HPSE2: variants seen among roughly 807,000 people sequenced by gnomAD.
HPSE2 encodes inactive heparanase-2.
A neutral mutation model predicts 60.5 loss-of-function variants in HPSE2; 38 were observed. The observed-to-expected ratio is 0.63, with a 90% CI of 0.48 to 0.82. The LOEUF is 0.82. Ranked by LOEUF, HPSE2 falls within the 40% of genes least tolerant of loss-of-function variation. The pLI is 0.00. For synonymous variants in HPSE2, 295 were observed against 293.2 expected, an observed-to-expected ratio of 1.01 and a Z score of -0.06; for missense variants, 713 against 740.4, an observed-to-expected ratio of 0.96 and a Z score of 0.43.
chr10:99,300,357 G>A, the HPSE2 span, among the ~76,000 whole-genome samples: 1 of 152,088 alleles, frequency 6.6e-6, no homozygotes, highest in Non-Finnish European at 1.5e-5. Flanking sequence ...AAGAACCTCG[G>A]GTAACTCCTG....
chr10:99,206,145 A>C (rs1308384024), intron 2 of HPSE2, among the ~76,000 whole-genome samples: 1 of 152,254 alleles, frequency 6.6e-6, no homozygotes. Flanking sequence ...CATAAAGATC[A>C]TTATGAAAAC....
chr10:98,688,983 T>C (rs1377367403), intron 6 of HPSE2, among the ~76,000 whole-genome samples: 2 of 152,116 alleles, frequency 1.3e-5, no homozygotes, highest in Middle Eastern at 3.2e-3. Flanking sequence ...TTTCCCTATA[T>C]ATGAAGTGTT....
intron 9 of HPSE2, among the ~76,000 whole-genome samples, chr10:98,512,085 G>A (rs1047340883): frequency 6.6e-6 from 1 of 152,212 alleles, no homozygotes; most frequent in African/African-American, 2.4e-5. Context: ...CACCAGATGT[G>A]GCAGGATGCC....
At chr10:98,836,911 T>C (rs1951802799) in intron 3 of HPSE2, among the ~76,000 whole-genome samples, 1 of 152,106 alleles carries the variant, frequency 6.6e-6, no homozygotes, top group Admixed American at 6.6e-5. Context: ...TGGTGGCGTA[T>C]GCCTGTAATC....
chr10:98,544,885 A>G (rs1477934756), intron 9 of HPSE2, among the ~76,000 whole-genome samples: 3 of 152,182 alleles, frequency 2.0e-5, no homozygotes, highest in Non-Finnish European at 4.4e-5. Context: ...TGAAAAGATC[A>G]ACGAAATTGA....
intron 6 of HPSE2, among the ~76,000 whole-genome samples, chr10:98,666,981 G>C (rs759135244): frequency 6.6e-5 from 10 of 151,550 alleles, no homozygotes; most frequent in Admixed American, 2.0e-4. Flanking sequence ...ATAAAACCAA[G>C]AGTTGGTTCT....
the HPSE2 span, among the ~76,000 whole-genome samples, chr10:99,254,945 A>T: frequency 6.6e-6 from 1 of 152,198 alleles, no homozygotes; most frequent in African/African-American, 2.4e-5. Flanking sequence ...TAACAGGTAA[A>T]GAGTTTCTTC....
At chr10:98,850,598 G>A (rs574796189) in intron 3 of HPSE2, among the ~76,000 whole-genome samples, 30 of 152,084 alleles carry the variant, frequency 2.0e-4, no homozygotes, top group African/African-American at 6.3e-4. Context: ...TTAGCCAGGC[G>A]TGGTGGCAGG....
chr10:98,851,450 A>G (rs1389055090), intron 3 of HPSE2, among the ~76,000 whole-genome samples: 2 of 152,168 alleles, frequency 1.3e-5, no homozygotes, highest in African/African-American at 2.4e-5. Flanking sequence ...CCTCAAGAAA[A>G]TATGTTCCAT....
At chr10:98,585,604 A>C (rs1196041951) in intron 9 of HPSE2, among the ~76,000 whole-genome samples, 1 of 151,094 alleles carries the variant, frequency 6.6e-6, no homozygotes, top group African/African-American at 2.4e-5. Flanking sequence ...CAGTCACCTA[A>C]TGTTTATTTG....
intron 6 of HPSE2, among the ~76,000 whole-genome samples, chr10:98,643,329 A>G (rs1419349363): frequency 6.6e-6 from 1 of 152,208 alleles, no homozygotes; most frequent in Non-Finnish European, 1.5e-5. Context: ...CCTGGCATAC[A>G]GTAGGGACTG....
chr10:98,661,170 G>A (rs1419562811), intron 6 of HPSE2, among the ~76,000 whole-genome samples: 1 of 152,180 alleles, frequency 6.6e-6, no homozygotes, highest in Non-Finnish European at 1.5e-5. Context: ...GCTGATGAAG[G>A]TAATGGGAAA....
chr10:98,679,090 A>G (rs947815407), intron 6 of HPSE2, among the ~76,000 whole-genome samples: 2 of 152,202 alleles, frequency 1.3e-5, no homozygotes, highest in African/African-American at 4.8e-5. Context: ...ACCTGTGGTG[A>G]GGGAAGTCTA....
At chr10:99,277,902 A>C in the HPSE2 span, among the ~76,000 whole-genome samples, 243 of 152,298 alleles carry the variant, frequency 1.6e-3, 1 homozygote, top group African/African-American at 5.3e-3. Context: ...GTTCAAGACC[A>C]GCCTGGACAA....
intron 3 of HPSE2, among the ~76,000 whole-genome samples, chr10:98,873,912 G>A (rs547547960): frequency 6.6e-6 from 1 of 152,138 alleles, no homozygotes; most frequent in East Asian, 1.9e-4. Flanking sequence ...ATTCTGACTG[G>A]CATGAAATGG....
intron 7 of HPSE2, among the ~76,000 whole-genome samples, chr10:98,632,518 T>C (rs1946390868): frequency 6.6e-6 from 1 of 152,148 alleles, no homozygotes; most frequent in Admixed American, 6.5e-5. Context: ...GGTAAACATA[T>C]CTTTCAGGTT....
intron 2 of HPSE2, among the ~76,000 whole-genome samples, chr10:99,191,684 C>T (rs1307520271): frequency 6.6e-6 from 1 of 152,166 alleles, no homozygotes; most frequent in Non-Finnish European, 1.5e-5. Context: ...ACTGTGAAGA[C>T]TACAATAAAT....
intron 6 of HPSE2, among the ~76,000 whole-genome samples, chr10:98,680,726 A>G (rs1947762072): frequency 6.6e-6 from 1 of 152,140 alleles, no homozygotes; most frequent in South Asian, 2.1e-4. Context: ...AAGCACTTGT[A>G]TGATTGAGCT....
At chr10:99,255,468 T>C in the HPSE2 span, among the ~76,000 whole-genome samples, 5 of 152,038 alleles carry the variant, frequency 3.3e-5, no homozygotes, top group African/African-American at 4.8e-5. Context: ...AAAGTTGGGC[T>C]TATCCAGGAA....
Sources: allele counts gnomAD v4.1 joint callset (sites outside exome capture counted in the v4.1 genomes callset), GRCh38; gene constraint gnomAD v4.1.1; transcripts MANE v1.5; gene names NCBI Gene and HGNC (gene_info 2026-07-23, HGNC 2026-07-21).